The following GPNMB variants were observed in gnomAD, a reference collection of about 807,000 sequenced individuals.
GPNMB encodes transmembrane glycoprotein NMB.
In GPNMB, 71 loss-of-function variants were observed where a neutral mutation model predicts 57.3. The ratio of observed to expected loss-of-function variants is 1.24; its 90% CI spans 1.02 to 1.51. GPNMB has a LOEUF of 1.51. Ranked by LOEUF, GPNMB falls within the 40% of genes most tolerant of loss-of-function variation. The pLI is 0.00. For missense variants in GPNMB, 677 were observed against 691.9 expected, an observed-to-expected ratio of 0.98 and a Z score of 0.24; for synonymous variants, 253 against 263.2, an observed-to-expected ratio of 0.96 and a Z score of 0.38.
At chr7:23,273,236 C>T in intron 9 of GPNMB, 1 of 308,984 alleles carries the variant, frequency 3.2e-6, no homozygotes, top group Non-Finnish European at 5.9e-6. Flanking sequence ...CCCTTCCACA[C>T]GGTGGCGCTG....
In GPNMB at chr7:23,260,785, C is replaced by T. The variant is rs1424960343; in HGVS notation, c.1018+12C>T. 2.0e-6 allele frequency: 3 copies of T among 1,510,996 alleles called. No homozygotes were observed. The highest frequency in any genetic ancestry group is 2.6e-6 in the Non-Finnish European group (3 of 1,132,112). 93.6% of individuals were successfully genotyped at this position (1,510,996 alleles called of 1,614,324 possible). On this transcript the variant is annotated intron_variant, in intron 6 of 10. Transcript: ENST00000258733. ...CACCCCTTCTTTAGGTAAGGTTTCG[C>T]AGTGATCTTTGAGGGAGGCTCCTTA...
chr7:23,258,798 T>C (rs937910138), intron 4 of GPNMB, among the ~76,000 whole-genome samples: 15 of 152,192 alleles, frequency 9.9e-5, no homozygotes, highest in African/African-American at 3.6e-4. Context: ...CATCTCAACG[T>C]GAAGGAGGAT....
rs902908785 is a variant in GPNMB, at chr7:23,274,319, A to C, written c.*95A>C. 2.3e-5 allele frequency: 21 copies of C among 923,884 alleles called. No homozygotes were observed. The highest frequency in any genetic ancestry group is 3.5e-5 in the Non-Finnish European group (21 of 597,184). The allele number at this position is 923,884 out of a possible 1,614,324, so 57.2% of individuals were successfully genotyped here. On this transcript the variant is annotated 3_prime_UTR_variant, in exon 11 of 11. Transcript: ENST00000258733. Reference sequence around the variant, plus strand: ...CCTTTTTTTCCTAAAGATTATTGTTAAATAGATATTGTGGTTTGGGGAAGT... The same window carrying C: ...CCTTTTTTTCCTAAAGATTATTGTTCAATAGATATTGTGGTTTGGGGAAGT...
chr7:23,247,936 C>T (rs929801841), intron 1 of GPNMB: 4 of 152,346 alleles, frequency 2.6e-5, no homozygotes, highest in African/African-American at 9.6e-5. Flanking sequence ...GTCCCGCTTC[C>T]CACACGAGGC....
chr7:23,260,116 G>C lies in GPNMB; in HGVS notation c.678G>C (p.Val226=), dbSNP rs1248887467. The stretch of plus-strand genomic sequence containing the variant: ...GGGCATATGTTCCCATCGCACAAGT[G>C]AAAGATGTGTACGTGGTAACAGGTG... ...HGRAYVPIAQ[V]KDVYVVTDQI... Residue 226 remains valine, a synonymous_variant, in exon 5 of 11, where the codon GTG becomes GTC. Coordinates refer to ENST00000258733, the MANE Select transcript of GPNMB (RefSeq NM_002510.3). 4.3e-6 allele frequency: 7 copies of C among 1,613,848 alleles called. No homozygotes were observed. Among genetic ancestry groups the C allele is most frequent in the Non-Finnish European group, 5.9e-6 (7 of 1,179,872 alleles).
Position 23,267,895 on chromosome 7 carries a change from T to C in GPNMB, c.1127T>C (p.Leu376Ser), listed in dbSNP as rs765353523. The change falls in exon 8 of 11, where the codon TTA becomes TCA. Residue 376 changes from leucine (L) to serine (S), a missense_variant. By Grantham distance (145) the Leu-to-Ser change is moderately radical (BLOSUM62 -2). Transcript: ENST00000258733. The part of the protein sequence containing the change: ...QATITIVEGI[L>S]EVNIIQMTDV... The stretch of plus-strand genomic sequence containing the variant: ...GGGGTTATTTTGTTAGAGGGAATCT[T>C]AGAGGTTAACATCATCCAGATGACA... 1 of 1,606,314 alleles carries C rather than the reference T, an allele frequency of 6.2e-7. No homozygotes were observed. The highest frequency in any genetic ancestry group is 1.1e-5 in the South Asian group (1 of 90,908).
At chr7:23,263,577 A>G (rs992620263) in intron 6 of GPNMB, among the ~76,000 whole-genome samples, 1 of 148,272 alleles carries the variant, frequency 6.7e-6, no homozygotes. Context: ...GCGCCATTGC[A>G]CTCCAGCCTG....
At chr7:23,264,759 T>C (rs1783018490) in intron 6 of GPNMB, among the ~76,000 whole-genome samples, 1 of 152,232 alleles carries the variant, frequency 6.6e-6, no homozygotes, top group Non-Finnish European at 1.5e-5. Context: ...AAATAAGCTT[T>C]ATTTCATTTT....
At chr7:23,258,038 G>T (rs1011745832) in intron 4 of GPNMB, 1 of 151,944 alleles carries the variant, frequency 6.6e-6, no homozygotes, top group African/African-American at 2.4e-5. Context: ...CTACTGTTCC[G>T]CTTTGACCTA....
At chr7:23,264,052 G>C (rs1358679632) in intron 6 of GPNMB, among the ~76,000 whole-genome samples, 3 of 148,834 alleles carry the variant, frequency 2.0e-5, no homozygotes, top group Non-Finnish European at 4.4e-5. Flanking sequence ...TCTTCACTTA[G>C]CTAACAGTGC....
chr7:23,256,510 A>C (rs1428755782), intron 3 of GPNMB, among the ~76,000 whole-genome samples: 1 of 152,194 alleles, frequency 6.6e-6, no homozygotes, highest in Non-Finnish European at 1.5e-5. Context: ...TTATGAATAA[A>C]CAGTCATGAT....
chr7:23,273,179 A>G (rs907311981), intron 9 of GPNMB: 3 of 204,652 alleles, frequency 1.5e-5, no homozygotes, highest in Non-Finnish European at 2.9e-5. Context: ...GCTAGAAGGT[A>G]AGTAGAGAGA....
At chr7:23,251,702 A>T (rs1782665965) in intron 1 of GPNMB, among the ~76,000 whole-genome samples, 1 of 152,202 alleles carries the variant, frequency 6.6e-6, no homozygotes, top group Admixed American at 6.5e-5. Context: ...GGAGGAAAAA[A>T]TTGAGTTTGT....
At chr7:23,251,410 G>T (rs1464246174) in intron 1 of GPNMB, among the ~76,000 whole-genome samples, 3 of 152,160 alleles carry the variant, frequency 2.0e-5, no homozygotes, top group Non-Finnish European at 2.9e-5. Context: ...AGAAATTAAT[G>T]GGAGAACAAT....
In GPNMB at chr7:23,259,961, A is replaced by T. The variant is rs1271971888; in HGVS notation, c.542-19A>T. 6.2e-7 allele frequency: 1 copy of T among 1,612,826 alleles called. No homozygotes were observed. Among genetic ancestry groups the T allele is most frequent in the South Asian group, 1.1e-5 (1 of 91,030 alleles). On this transcript the variant is annotated intron_variant, in intron 4 of 10. Coordinates refer to ENST00000258733, the MANE Select transcript of GPNMB (RefSeq NM_002510.3). The stretch of plus-strand genomic sequence containing the variant: ...TGATATAATGCAGCCAATAACTAAA[A>T]ATTTCCATCCTCCCAAAGGTCAGTA...
At chr7:23,263,223 A>C (rs1407485139) in intron 6 of GPNMB, among the ~76,000 whole-genome samples, 1 of 152,162 alleles carries the variant, frequency 6.6e-6, no homozygotes, top group Non-Finnish European at 1.5e-5. Context: ...CTTATAAACT[A>C]TTTATATCAT....
At chr7:23,270,667 C>G (rs1221219404) in intron 9 of GPNMB, among the ~76,000 whole-genome samples, 1 of 152,196 alleles carries the variant, frequency 6.6e-6, no homozygotes, top group Non-Finnish European at 1.5e-5. Context: ...TCCTCTCTTT[C>G]CCTTCCCAAA....
intron 6 of GPNMB, among the ~76,000 whole-genome samples, chr7:23,264,714 A>G (rs1562640490): frequency 6.6e-6 from 1 of 152,196 alleles, no homozygotes; most frequent in East Asian, 1.9e-4. Flanking sequence ...CTAAGGTAGA[A>G]TCACTGACTT....
chr7:23,267,010 G>T (rs908216187), intron 7 of GPNMB, among the ~76,000 whole-genome samples: 2 of 152,206 alleles, frequency 1.3e-5, no homozygotes, highest in Non-Finnish European at 2.9e-5. Context: ...AGGGGAAAGA[G>T]CAGGCCACCA....
Sources: gnomAD v4.1 joint callset for allele counts (sites outside exome capture counted in the v4.1 genomes callset) on GRCh38, gnomAD v4.1.1 for gene constraint, MANE v1.5 for transcripts, NCBI Gene and HGNC (gene_info 2026-07-23, HGNC 2026-07-21) for gene names.